The following SHANK2 variants were observed in gnomAD, a reference collection of about 807,000 sequenced individuals.
The protein encoded by SHANK2 is SH3 and multiple ankyrin repeat domains protein 2.
SHANK2 carries 43 observed loss-of-function variants against 133.7 expected under a neutral mutation model. The ratio of observed to expected loss-of-function variants is 0.32; its 90% CI spans 0.25 to 0.41. SHANK2 has a LOEUF of 0.41. SHANK2 is among the 10% of genes least tolerant of loss of function. The pLI is 1.00. For missense variants in SHANK2, 1,994 were observed against 2,235.8 expected, an observed-to-expected ratio of 0.89 and a Z score of 2.18; for synonymous variants, 1,017 against 952.8, an observed-to-expected ratio of 1.07 and a Z score of -1.24.
chr11:71,187,684 C>G (rs1953701853), intron 2 of SHANK2, among the ~76,000 whole-genome samples: 1 of 152,152 alleles, frequency 6.6e-6, no homozygotes, highest in African/African-American at 2.4e-5. Context: ...CAGTGGGAGG[C>G]AGTACTTGGT....
intron 17 of SHANK2, among the ~76,000 whole-genome samples, chr11:70,583,902 C>T (rs558988489): frequency 2.9e-3 from 440 of 152,336 alleles, no homozygotes; most frequent in Non-Finnish European, 5.0e-3. Context: ...CCTGGCCCAG[C>T]CATGCCTCCC....
intron 14 of SHANK2, among the ~76,000 whole-genome samples, chr11:70,740,181 C>G (rs1362571598): frequency 6.6e-6 from 1 of 152,020 alleles, no homozygotes; most frequent in African/African-American, 2.4e-5. Flanking sequence ...CTAGGACAGA[C>G]AGTGCCTGCC....
At chr11:70,938,440 T>C (rs182319742) in intron 10 of SHANK2, among the ~76,000 whole-genome samples, 1 of 152,318 alleles carries the variant, frequency 6.6e-6, no homozygotes, top group East Asian at 1.9e-4. Flanking sequence ...AAAACTTACA[T>C]GCAGCTCTAC....
intron 17 of SHANK2, among the ~76,000 whole-genome samples, chr11:70,632,544 T>C (rs1308669197): frequency 6.6e-6 from 1 of 152,096 alleles, no homozygotes; most frequent in Non-Finnish European, 1.5e-5. Flanking sequence ...TTGATAACAA[T>C]CCAAATTGTG....
intron 2 of SHANK2, among the ~76,000 whole-genome samples, chr11:71,152,561 C>T (rs1175418686): frequency 6.6e-6 from 1 of 152,200 alleles, no homozygotes; most frequent in African/African-American, 2.4e-5. Flanking sequence ...CTGCTGCCGG[C>T]GGACATCTTC....
At chr11:70,894,331 G>A (rs1427793203) in intron 11 of SHANK2, among the ~76,000 whole-genome samples, 1 of 152,144 alleles carries the variant, frequency 6.6e-6, no homozygotes, top group Non-Finnish European at 1.5e-5. Context: ...GGGATTACCG[G>A]TGCCTGCCAC....
At chr11:71,136,117 C>T (rs782457458) in intron 3 of SHANK2, among the ~76,000 whole-genome samples, 3 of 152,128 alleles carry the variant, frequency 2.0e-5, no homozygotes, top group Non-Finnish European at 4.4e-5. Flanking sequence ...ATCCAGCTGA[C>T]CATTGAGTGG....
At chr11:70,546,097 A>AT (rs57144719) in intron 17 of SHANK2, among the ~76,000 whole-genome samples, 3,340 of 137,196 alleles carry the variant, frequency 0.024, 167 homozygotes, top group African/African-American at 0.081. Context: ...TATTTATTTA[A>AT]TTTTTTTTTT....
intron 15 of SHANK2, among the ~76,000 whole-genome samples, chr11:70,681,254 C>T (rs1239868827): frequency 5.9e-5 from 9 of 152,260 alleles, no homozygotes; most frequent in East Asian, 1.9e-4. Context: ...AGTCTGACGG[C>T]GGAAACCCCC....
chr11:70,661,994 G>C, intron 15 of SHANK2: 1 of 608,724 alleles, frequency 1.6e-6, no homozygotes, highest in Non-Finnish European at 2.9e-6. Flanking sequence ...CTCAAGGGGG[G>C]CTGGCCAGGA....
chr11:70,709,469 G>A (rs1945732944), intron 14 of SHANK2, among the ~76,000 whole-genome samples: 1 of 152,250 alleles, frequency 6.6e-6, no homozygotes, highest in Non-Finnish European at 1.5e-5. Flanking sequence ...GGTCAGGTCT[G>A]ACCTGGCTGA....
chr11:70,910,900 G>A lies in SHANK2; in HGVS notation c.1108-14333C>T, dbSNP rs1281324817. Reference sequence around the variant, plus strand: ...TTGTTTACATGTTGCTTGGTGGTGCGTGTGTGTGTGTGTGCGCGTGCATGT... The same window carrying A: ...TTGTTTACATGTTGCTTGGTGGTGCATGTGTGTGTGTGTGCGCGTGCATGT... On this transcript the variant is annotated intron_variant, in intron 10 of 25. Transcript: ENST00000601538. 2.8e-5 allele frequency: 11 copies of A among 386,610 alleles called. No individual in the cohort carries two copies. The East Asian group carries it at 6.5e-4, about 23-fold the overall frequency. 23.9% of individuals were successfully genotyped at this position (386,610 alleles called of 1,614,324 possible). A position where few individuals can be genotyped will look rare whatever the true frequency, so the allele number is the denominator to read the frequency against.
Position 70,720,281 on chromosome 11 carries a change from C to A in SHANK2, c.1778-21518G>T, listed in dbSNP as rs538163951. Among the ~76,000 whole-genome samples, 3 of 152,328 alleles carry A rather than the reference C, an allele frequency of 2.0e-5. No homozygotes were observed. In the South Asian group the frequency reaches 6.2e-4, roughly 32 times the overall value. ...ATTTCTGATGTAGGGGTCATCACCTCGTCTAACTGGTTTATCACAAAATGG... is the reference window on the plus strand; with the variant it reads ...ATTTCTGATGTAGGGGTCATCACCTAGTCTAACTGGTTTATCACAAAATGG... On this transcript the variant is annotated intron_variant, in intron 14 of 25. Transcript: ENST00000601538.
chr11:71,161,109 G>A (rs1555109854), intron 2 of SHANK2, among the ~76,000 whole-genome samples: 1 of 152,196 alleles, frequency 6.6e-6, no homozygotes, highest in African/African-American at 2.4e-5. Flanking sequence ...ATGATGGGAA[G>A]TGGGGATTGA....
chr11:70,860,027 AC>A (rs2135497568), intron 11 of SHANK2, among the ~76,000 whole-genome samples: 2 of 151,998 alleles, frequency 1.3e-5, no homozygotes, highest in South Asian at 4.2e-4. Context: ...TCCTCAAAGA[AC>A]CCCGACTATC....
intron 9 of SHANK2, among the ~76,000 whole-genome samples, chr11:71,067,411 C>T (rs1951079020): frequency 6.6e-6 from 1 of 152,152 alleles, no homozygotes; most frequent in African/African-American, 2.4e-5. Flanking sequence ...GAAAAATGAA[C>T]CCCAGGCTGC....
intron 17 of SHANK2, among the ~76,000 whole-genome samples, chr11:70,654,827 G>A (rs538772771): frequency 6.6e-6 from 1 of 151,476 alleles, no homozygotes; most frequent in East Asian, 1.9e-4. Context: ...GAGTGCAGTG[G>A]CGTGATCTCG....
chr11:71,212,467 G>A (rs1591025332), intron 2 of SHANK2, among the ~76,000 whole-genome samples: 1 of 152,172 alleles, frequency 6.6e-6, no homozygotes, highest in Non-Finnish European at 1.5e-5. Flanking sequence ...GGGAAAACAA[G>A]CCTCGTTCCT....
chr11:70,667,751 G>T (rs1470609456), intron 15 of SHANK2: 1 of 152,254 alleles, frequency 6.6e-6, no homozygotes, highest in African/African-American at 2.4e-5. Context: ...TGGCCCAGAC[G>T]TATGGGCCTG....
Sources: gnomAD v4.1 joint callset for allele counts (sites outside exome capture counted in the v4.1 genomes callset) on GRCh38, gnomAD v4.1.1 for gene constraint, MANE v1.5 for transcripts, NCBI Gene and HGNC (gene_info 2026-07-23, HGNC 2026-07-21) for gene names.